The following TRERF1 variants were observed in gnomAD, a reference collection of about 807,000 sequenced individuals.
The protein encoded by TRERF1 is transcriptional-regulating factor 1.
In TRERF1, 27 loss-of-function variants were observed where a neutral mutation model predicts 122.9. The observed-to-expected ratio is 0.22, with a 90% CI of 0.16 to 0.30. The LOEUF is 0.30. TRERF1 is among the 10% of genes least tolerant of loss of function. The pLI, the probability that TRERF1 is intolerant of heterozygous loss-of-function variation, is 1.00. For synonymous variants in TRERF1, 636 were observed against 641.7 expected, an observed-to-expected ratio of 0.99 and a Z score of 0.13; for missense variants, 1,248 against 1,560.3, an observed-to-expected ratio of 0.80 and a Z score of 3.37.
At position 42,263,482 on chromosome 6, in the gene TRERF1, G is replaced by A. The variant is rs141140394; in HGVS notation, c.1722C>T (p.Pro574=). 11,666 of 1,589,102 alleles carry A rather than the reference G, an allele frequency of 7.3e-3. 54 individuals are homozygous for A. The highest frequency in any genetic ancestry group is 8.2e-3 in the Non-Finnish European group (9,568 of 1,164,634). ...CCATAGGCGTGAGGCTTTCTGCCTC[G>A]GGAGGGAGCTGTGGTGGCGGCGGAG... is the stretch of plus-strand genomic sequence containing the variant. Residue 574 remains proline, a synonymous_variant, in exon 8 of 18, where the codon CCC becomes CCT. Transcript: ENST00000372922. The surrounding 1 kb of genome is among the most constrained non-coding windows in gnomAD (Gnocchi z 5.6).
At chr6:42,368,145 G>A (rs891958054) in intron 2 of TRERF1, among the ~76,000 whole-genome samples, 6 of 152,140 alleles carry the variant, frequency 3.9e-5, no homozygotes, top group African/African-American at 1.2e-4. Context: ...CCCGTGGAAT[G>A]GGCCCTGCAT....
At chr6:42,311,761 G>A (rs577487453) in intron 3 of TRERF1, among the ~76,000 whole-genome samples, 42 of 108,626 alleles carry the variant, frequency 3.9e-4, no homozygotes, top group Admixed American at 6.9e-4. Flanking sequence ...GCAAGACTCC[G>A]TCTCAAAAAA....
intron 6 of TRERF1, among the ~76,000 whole-genome samples, chr6:42,265,227 G>A (rs1186959290): frequency 6.6e-6 from 1 of 152,202 alleles, no homozygotes; most frequent in Non-Finnish European, 1.5e-5. Flanking sequence ...GCAAGTTCCT[G>A]GGGCAGCCGC....
intron 4 of TRERF1, among the ~76,000 whole-genome samples, chr6:42,285,499 G>T (rs1783042607): frequency 6.6e-6 from 1 of 152,002 alleles, no homozygotes; most frequent in Admixed American, 6.6e-5. Flanking sequence ...AATTGCCCTG[G>T]TCAGAACTTC....
chr6:42,329,999 A>T (rs545546724), intron 3 of TRERF1, among the ~76,000 whole-genome samples: 1 of 152,324 alleles, frequency 6.6e-6, no homozygotes, highest in Admixed American at 6.5e-5. Flanking sequence ...GGGGGAAAAA[A>T]AAAGTATTGA....
Position 42,229,918 on chromosome 6 carries a change from C to T in TRERF1, c.3279-1249G>A, listed in dbSNP as rs73733119. Among the ~76,000 whole-genome samples, 485 of 152,230 alleles carry T rather than the reference C, an allele frequency of 3.2e-3. 4 individuals are homozygous for T. Among genetic ancestry groups the T allele is most frequent in the African/African-American group, 0.01 (429 of 41,536 alleles). Reference sequence around the variant, plus strand: ...TGTCTGTTTATGCAATGTTGATGGCCGTTTCTGTGCTGCAATGGCACAGCT... The same window carrying T: ...TGTCTGTTTATGCAATGTTGATGGCTGTTTCTGTGCTGCAATGGCACAGCT... On this transcript the variant is annotated intron_variant, in intron 17 of 17. Transcript: ENST00000372922.
chr6:42,285,829 C>T (rs1434072313), intron 4 of TRERF1, among the ~76,000 whole-genome samples: 2 of 151,544 alleles, frequency 1.3e-5, no homozygotes, highest in Admixed American at 6.6e-5. Flanking sequence ...GAGCCCGCAT[C>T]GCCAAGTCAA....
At chr6:42,319,153 T>C (rs1184367589) in intron 3 of TRERF1, among the ~76,000 whole-genome samples, 1 of 152,336 alleles carries the variant, frequency 6.6e-6, no homozygotes, top group East Asian at 1.9e-4. Flanking sequence ...TTTAGACATT[T>C]TTTTTCCCTA....
chr6:42,426,962 T>C (rs568008843), intron 2 of TRERF1, among the ~76,000 whole-genome samples: 1 of 152,214 alleles, frequency 6.6e-6, no homozygotes, highest in South Asian at 2.1e-4. Flanking sequence ...TATAGGTTTA[T>C]TTACTTCAAT....
intron 3 of TRERF1, among the ~76,000 whole-genome samples, chr6:42,306,061 G>T (rs550241128): frequency 2.3e-4 from 31 of 136,400 alleles, no homozygotes; most frequent in Non-Finnish European, 4.6e-4. Context: ...GAGTGCAGTG[G>T]CGCGATCTCG....
At chr6:42,444,994 G>A (rs1012943107) in intron 2 of TRERF1, among the ~76,000 whole-genome samples, 2 of 152,136 alleles carry the variant, frequency 1.3e-5, no homozygotes, top group Non-Finnish European at 2.9e-5. Context: ...TCAGGGCCTG[G>A]TGCAGTAGGT....
At chr6:42,438,975 G>A (rs961364906) in intron 2 of TRERF1, among the ~76,000 whole-genome samples, 6 of 152,110 alleles carry the variant, frequency 3.9e-5, no homozygotes, top group Non-Finnish European at 8.8e-5. Flanking sequence ...AGGGAGTGTC[G>A]CAGAATACAT....
At chr6:42,266,770 GAACAA>G (rs903781775) in intron 5 of TRERF1, among the ~76,000 whole-genome samples, 1 of 152,310 alleles carries the variant, frequency 6.6e-6, no homozygotes, top group African/African-American at 2.4e-5. Flanking sequence ...ATATTTTTGG[GAACAA>G]ATCAAGGGTT....
In TRERF1 at chr6:42,228,579, A is replaced by G; in HGVS notation, c.3369T>C (p.Ala1123=). 1 of 1,614,180 alleles carries G rather than the reference A, an allele frequency of 6.2e-7. No homozygotes were observed. The highest frequency in any genetic ancestry group is 2.2e-5 in the East Asian group (1 of 44,878). The change falls in exon 18 of 18, where the codon GCT becomes GCC. Residue 1123 remains alanine (A), a synonymous_variant. Coordinates refer to ENST00000372922, the Ensembl canonical transcript of TRERF1. The surrounding 1 kb of genome is among the most constrained non-coding windows in gnomAD (Gnocchi z 4.2). Reference sequence around the variant, plus strand: ...TCGTGGCTGCCATCTCAGCTGCAAAAGCCGCCTTCTGAGCCTTTTGCCTCT... The same window carrying G: ...TCGTGGCTGCCATCTCAGCTGCAAAGGCCGCCTTCTGAGCCTTTTGCCTCT...
intron 15 of TRERF1, among the ~76,000 whole-genome samples, chr6:42,240,031 T>C (rs1473774910): frequency 5.9e-5 from 9 of 151,620 alleles, no homozygotes; most frequent in African/African-American, 2.2e-4. Flanking sequence ...TCCTCCTTAA[T>C]CTGAAGCTTC....
At chr6:42,418,717 T>C (rs374210026) in intron 2 of TRERF1, among the ~76,000 whole-genome samples, 230 of 152,276 alleles carry the variant, frequency 1.5e-3, no homozygotes, top group African/African-American at 4.9e-3. Context: ...GGGGGCTGCC[T>C]GTGGCCTGCG....
intron 4 of TRERF1, among the ~76,000 whole-genome samples, chr6:42,287,249 A>T (rs1351320982): frequency 6.6e-6 from 1 of 150,980 alleles, no homozygotes; most frequent in African/African-American, 2.4e-5. Flanking sequence ...ATATGTAACT[A>T]ACCTGCACAA....
chr6:42,442,528 T>C (rs1019298400), intron 2 of TRERF1, among the ~76,000 whole-genome samples: 61 of 152,338 alleles, frequency 4.0e-4, no homozygotes, highest in African/African-American at 1.3e-3. Context: ...GAGCTGACAG[T>C]AGGACACAGA....
chr6:42,436,013 C>A (rs1785288030), intron 2 of TRERF1, among the ~76,000 whole-genome samples: 1 of 151,734 alleles, frequency 6.6e-6, no homozygotes, highest in Non-Finnish European at 1.5e-5. Flanking sequence ...AGTTATGGGA[C>A]CCAGTGCCCC....
Sources: allele counts gnomAD v4.1 joint callset (sites outside exome capture counted in the v4.1 genomes callset), GRCh38; gene constraint gnomAD v4.1.1; non-coding constraint Gnocchi (gnomAD v3.1); transcripts MANE v1.5; gene names NCBI Gene and HGNC (gene_info 2026-07-23, HGNC 2026-07-21).